The following PRMT7 variants were observed in gnomAD, a reference collection of about 807,000 sequenced individuals.
PRMT7 encodes the protein protein arginine methyltransferase 7, also known as protein arginine N-methyltransferase 7.
A neutral mutation model predicts 85.4 loss-of-function variants in PRMT7; 75 were observed. The ratio of observed to expected loss-of-function variants is 0.88; its 90% CI spans 0.73 to 1.06. PRMT7 has a LOEUF of 1.06. PRMT7 is among the 50% of genes least tolerant of loss of function. PRMT7 has a pLI of 0.00. For missense variants in PRMT7, 868 were observed against 915.2 expected, an observed-to-expected ratio of 0.95 and a Z score of 0.67; for synonymous variants, 397 against 359.5, an observed-to-expected ratio of 1.10 and a Z score of -1.18.
intron 14 of PRMT7, among the ~76,000 whole-genome samples, chr16:68,349,544 A>C (rs2086959190): frequency 6.6e-6 from 1 of 152,120 alleles, no homozygotes; most frequent in Non-Finnish European, 1.5e-5. Context: ...TCAATTGTAC[A>C]GTTGAGTGAT....
intron 14 of PRMT7, among the ~76,000 whole-genome samples, chr16:68,350,084 T>C (rs1208466638): frequency 6.6e-6 from 1 of 152,242 alleles, no homozygotes; most frequent in Non-Finnish European, 1.5e-5. Context: ...CTGGCTCCTT[T>C]CGCTGAGCAT....
At chr16:68,346,058 A>G (rs1418607542) in intron 10 of PRMT7, 87 bp from the exon 11 acceptor site, 7 of 1,581,034 alleles carry the variant, frequency 4.4e-6, no homozygotes, top group Non-Finnish European at 6.0e-6. Flanking sequence ...CCTCATGCCT[A>G]CTGGAGACCA....
chr16:68,350,875 C>T (rs1027508061), intron 14 of PRMT7, among the ~76,000 whole-genome samples: 1 of 152,226 alleles, frequency 6.6e-6, no homozygotes, highest in Non-Finnish European at 1.5e-5. Context: ...CGGGCTCATC[C>T]ATGTCGTAGC....
chr16:68,335,774 CTCTT>C (rs1437062637), intron 6 of PRMT7, among the ~76,000 whole-genome samples: 18 of 151,012 alleles, frequency 1.2e-4, no homozygotes, highest in Admixed American at 3.3e-4. Context: ...ATCAGCTGCT[CTCTT>C]TCTTTTTTTT....
chr16:68,338,537 G>A (rs138050622), intron 7 of PRMT7, among the ~76,000 whole-genome samples: 69 of 152,208 alleles, frequency 4.5e-4, no homozygotes, highest in African/African-American at 1.3e-3. Flanking sequence ...GAGACAGTCC[G>A]GACCAGGGAG....
chr16:68,319,126 T>A (rs78354751), intron 3 of PRMT7: 2,757 of 152,118 alleles, frequency 0.018, 27 homozygotes, highest in Non-Finnish European at 0.028. Context: ...CGATGGAGAT[T>A]AGGCGTTTAG....
intron 6 of PRMT7, among the ~76,000 whole-genome samples, chr16:68,336,332 C>T (rs779313124): frequency 6.6e-6 from 1 of 152,208 alleles, no homozygotes; most frequent in South Asian, 2.1e-4. Flanking sequence ...CCAAATCCTA[C>T]TCTTCTCTAA....
chr16:68,318,450 C>T (rs761110066), intron 3 of PRMT7, among the ~76,000 whole-genome samples: 10 of 152,180 alleles, frequency 6.6e-5, no homozygotes, highest in Non-Finnish European at 1.0e-4. Context: ...CCGCCCGCCT[C>T]GGCCTCCCAA....
In PRMT7 at chr16:68,332,193, G is replaced by A. The variant is rs550424201; in HGVS notation, c.391+3019G>A. On this transcript the variant is annotated intron_variant, in intron 6 of 18. Transcript: ENST00000441236. Reference sequence around the variant, plus strand: ...GCCTTCTCAACAGTAGTGCTGTGACGTTTTGGCATTCTCCAACTATGTGAC... The same window carrying A: ...GCCTTCTCAACAGTAGTGCTGTGACATTTTGGCATTCTCCAACTATGTGAC... 3.9e-5 allele frequency among the ~76,000 whole-genome samples: 6 copies of A among 152,294 alleles called. No individual in the cohort carries two copies. In the South Asian group the frequency reaches 8.3e-4, roughly 21 times the overall value.
chr16:68,316,346 GT>G (rs1184293215), intron 3 of PRMT7, among the ~76,000 whole-genome samples: 1 of 152,140 alleles, frequency 6.6e-6, no homozygotes, highest in Admixed American at 6.5e-5. Flanking sequence ...CCTCAGTAGT[GT>G]TGATGAAGTT....
At chr16:68,330,410 C>T (rs1180074785) in intron 6 of PRMT7, among the ~76,000 whole-genome samples, 8 of 151,920 alleles carry the variant, frequency 5.3e-5, no homozygotes, top group South Asian at 2.1e-4. Context: ...ATCCTCCCAT[C>T]TCAGCGACCC....
chr16:68,319,699 A>C (rs2082259603), intron 3 of PRMT7, among the ~76,000 whole-genome samples: 1 of 79,188 alleles, frequency 1.3e-5, no homozygotes, highest in Non-Finnish European at 2.6e-5. Flanking sequence ...CAGCCTTCTC[A>C]ATAAGAGTGA....
intron 8 of PRMT7, 43 bp downstream of exon 8, chr16:68,339,606 G>C (rs1479818147): frequency 8.7e-6 from 14 of 1,607,160 alleles, no homozygotes; most frequent in Non-Finnish European, 1.2e-5. Context: ...TGAGACATTT[G>C]ATGGAAGTTG....
chr16:68,341,762 G>A (rs1269520393), intron 9 of PRMT7, among the ~76,000 whole-genome samples: 2 of 152,160 alleles, frequency 1.3e-5, no homozygotes, highest in African/African-American at 4.8e-5. Context: ...ACTTCTGGGT[G>A]GAGTCATCAG....
intron 4 of PRMT7, chr16:68,322,267 C>T (rs2082581229): frequency 3.3e-6 from 1 of 301,200 alleles, no homozygotes; most frequent in South Asian, 2.5e-5. Context: ...GGTGTGATCT[C>T]GGCTGCACTG....
intron 6 of PRMT7, among the ~76,000 whole-genome samples, chr16:68,335,780 C>CTT (rs771646295): frequency 4.3e-5 from 6 of 138,026 alleles, no homozygotes; most frequent in African/African-American, 8.0e-5. Context: ...TGCTCTCTTT[C>CTT]TTTTTTTTTT....
At position 68,356,721 on chromosome 16, in the gene PRMT7, C is replaced by A; in HGVS notation, c.1832C>A (p.Ala611Glu). ...GACAGGCCCGGGCAGAGCCACGCAGCGGTGCTATGGATGGAGTACCACCTG... is the reference window on the plus strand; with the variant it reads ...GACAGGCCCGGGCAGAGCCACGCAGAGGTGCTATGGATGGAGTACCACCTG... Reference protein sequence around the residue: ...ELRRPGQSHAAVLWMEYHLTP... With the variant: ...ELRRPGQSHAEVLWMEYHLTP... The change falls in exon 18 of 19, where the codon GCG (alanine) becomes GAG (glutamate). Residue 611 changes from alanine (A) to glutamate (E), a missense_variant. Transcript: ENST00000441236. The A allele has an allele frequency of 6.2e-7, 1 of 1,611,962 alleles. No individual in the cohort carries two copies. Among genetic ancestry groups the A allele is most frequent in the Non-Finnish European group, 8.5e-7 (1 of 1,179,790 alleles).
intron 11 of PRMT7, 62 bp downstream of exon 11, chr16:68,346,342 C>A: frequency 6.2e-7 from 1 of 1,601,004 alleles, no homozygotes; most frequent in Non-Finnish European, 8.5e-7. Flanking sequence ...GTCCCATGAA[C>A]CCCAGCACTT....
chr16:68,347,655 G>A lies in PRMT7; in HGVS notation c.1300G>A (p.Ala434Thr). Reference sequence around the variant, plus strand: ...GGTGTTTACAGTCGAGAGTTCAGCAGCTTCTCACAAACTGTTGAGAAAAGT... The same window carrying A: ...GGTGTTTACAGTCGAGAGTTCAGCAACTTCTCACAAACTGTTGAGAAAAGT... ...EQVFTVESSA[A>T]SHKLLRKIFK... Residue 434 changes from alanine to threonine, a missense_variant, in exon 13 of 19, where the codon GCT (alanine) becomes ACT (threonine). Ala to Thr is a moderately conservative substitution (Grantham distance 58). Coordinates refer to ENST00000441236, the MANE Select transcript of PRMT7 (RefSeq NM_019023.5). 1 of 1,614,030 alleles carries A rather than the reference G, an allele frequency of 6.2e-7. No individual in the cohort carries two copies.
Sources: allele counts gnomAD v4.1 joint callset (sites outside exome capture counted in the v4.1 genomes callset), GRCh38; gene constraint gnomAD v4.1.1; transcripts MANE v1.5; gene names NCBI Gene and HGNC (gene_info 2026-07-23, HGNC 2026-07-21).